Variants in TTC33 observed in about 807,000 individuals in gnomAD.
The protein encoded by TTC33 is tetratricopeptide repeat protein 33.
A neutral mutation model predicts 29.4 loss-of-function variants in TTC33; 24 were observed. The observed-to-expected ratio is 0.82, with a 90% CI of 0.59 to 1.15. The LOEUF is 1.15. Among genes scored for constraint, TTC33 ranks in the 50% most tolerant of loss-of-function variants. The pLI is 0.00. For synonymous variants in TTC33, 107 were observed against 100.3 expected, an observed-to-expected ratio of 1.07 and a Z score of -0.40; for missense variants, 286 against 310.4, an observed-to-expected ratio of 0.92 and a Z score of 0.59.
intron 1 of TTC33, among the ~76,000 whole-genome samples, chr5:40,749,531 G>A (rs1277953530): frequency 2.6e-5 from 4 of 152,202 alleles, no homozygotes; most frequent in African/African-American, 4.8e-5. Flanking sequence ...AATGGGCACT[G>A]TGGGAGTATG....
At chr5:40,723,742 G>A (rs983885386) in intron 4 of TTC33, among the ~76,000 whole-genome samples, 1 of 152,106 alleles carries the variant, frequency 6.6e-6, no homozygotes, top group Non-Finnish European at 1.5e-5. Context: ...ATGGGCACCT[G>A]TAATCCCAGC....
At chr5:40,725,848 C>T (rs543914898) in intron 4 of TTC33, among the ~76,000 whole-genome samples, 6 of 147,358 alleles carry the variant, frequency 4.1e-5, no homozygotes, top group African/African-American at 7.6e-5. Context: ...TGCAGTGGCG[C>T]GATCTCAGCT....
intron 4 of TTC33, among the ~76,000 whole-genome samples, chr5:40,718,004 G>T (rs1448204089): frequency 6.6e-6 from 1 of 151,992 alleles, no homozygotes; most frequent in Non-Finnish European, 1.5e-5. Flanking sequence ...GGAGGTTGCA[G>T]TGAGCCAAGA....
intron 1 of TTC33, among the ~76,000 whole-genome samples, chr5:40,755,132 T>C (rs1404747025): frequency 6.6e-6 from 1 of 152,178 alleles, no homozygotes; most frequent in Non-Finnish European, 1.5e-5. Context: ...GTATTCTAAA[T>C]TCCTGTACTG....
chr5:40,740,281 T>C (rs1742665542), intron 2 of TTC33, among the ~76,000 whole-genome samples: 1 of 151,664 alleles, frequency 6.6e-6, no homozygotes, highest in African/African-American at 2.4e-5. Context: ...CTATCTAGTA[T>C]GATTTTCCTT....
intron 4 of TTC33, among the ~76,000 whole-genome samples, chr5:40,723,654 C>T (rs1342284989): frequency 6.6e-6 from 1 of 152,060 alleles, no homozygotes; most frequent in Non-Finnish European, 1.5e-5. Context: ...CACCTGAGAC[C>T]AGGAGTTCAA....
chr5:40,721,775 C>T (rs1337745177), intron 4 of TTC33, among the ~76,000 whole-genome samples: 1 of 151,910 alleles, frequency 6.6e-6, no homozygotes. Flanking sequence ...AAAACATAGG[C>T]AACAAAATCA....
At chr5:40,731,891 A>G (rs767114511) in intron 2 of TTC33, among the ~76,000 whole-genome samples, 18 of 152,234 alleles carry the variant, frequency 1.2e-4, no homozygotes, top group Non-Finnish European at 2.5e-4. Context: ...CCACATAGCA[A>G]CACTTATATT....
At chr5:40,745,591 C>T (rs1742775264) in intron 2 of TTC33, among the ~76,000 whole-genome samples, 1 of 151,822 alleles carries the variant, frequency 6.6e-6, no homozygotes, top group African/African-American at 2.4e-5. Context: ...ATAGCAGAGT[C>T]ACACCTCATC....
In TTC33 at chr5:40,716,065, T is replaced by A; in HGVS notation, c.*80A>T. 1 of 1,192,492 alleles carries A rather than the reference T, an allele frequency of 8.4e-7. No homozygotes were observed. Among genetic ancestry groups the A allele is most frequent in the Non-Finnish European group, 1.2e-6 (1 of 862,252 alleles). 73.9% of individuals were successfully genotyped at this position (1,192,492 alleles called of 1,614,324 possible). On this transcript the variant is annotated 3_prime_UTR_variant, in exon 5 of 5. Coordinates refer to ENST00000337702, the MANE Select transcript of TTC33 (RefSeq NM_012382.3). Reference sequence around the variant, plus strand: ...TTACAACCAGGCGTTCTCCTATCTATCTCCAGAGTAAATGTCTCTATGTCA... The same window carrying A: ...TTACAACCAGGCGTTCTCCTATCTAACTCCAGAGTAAATGTCTCTATGTCA...
At chr5:40,723,366 C>T (rs1382110192) in intron 4 of TTC33, among the ~76,000 whole-genome samples, 3 of 151,758 alleles carry the variant, frequency 2.0e-5, no homozygotes, top group African/African-American at 7.3e-5. Context: ...GCTGACCTTC[C>T]CTCCACTATT....
In TTC33 at chr5:40,716,130, CCTATG is replaced by C; in HGVS notation, c.*10_*14del. The C allele has an allele frequency of 6.4e-7, 1 of 1,567,506 alleles. No homozygotes were observed. The highest frequency in any genetic ancestry group is 8.7e-7 in the Non-Finnish European group (1 of 1,154,824). On this transcript the variant is annotated 3_prime_UTR_variant, in exon 5 of 5. Transcript: ENST00000337702. ...AATCAAAAAGACAGATTCAAATAATCCTATGCATACTGCTTCATCGGGCTTTGATA... is the reference window on the plus strand; with the variant it reads ...AATCAAAAAGACAGATTCAAATAATCCATACTGCTTCATCGGGCTTTGATA...
chr5:40,717,742 T>C (rs1742032675), intron 4 of TTC33, among the ~76,000 whole-genome samples: 1 of 152,204 alleles, frequency 6.6e-6, no homozygotes. Context: ...GGATAGAAGA[T>C]TCTCATGCAA....
chr5:40,730,100 G>A (rs1411276077), intron 3 of TTC33, among the ~76,000 whole-genome samples, 162 bp downstream of exon 3: 2 of 152,168 alleles, frequency 1.3e-5, no homozygotes, highest in African/African-American at 4.8e-5. Context: ...CCAGTTTTAT[G>A]CATAAGACAG....
chr5:40,732,853 C>G (rs1742463428), intron 2 of TTC33, among the ~76,000 whole-genome samples: 2 of 152,088 alleles, frequency 1.3e-5, no homozygotes, highest in Admixed American at 1.3e-4. Flanking sequence ...ACTGATCTGC[C>G]CGCCTCGGCC....
chr5:40,752,564 G>C (rs1282826282), intron 1 of TTC33, among the ~76,000 whole-genome samples: 1 of 152,194 alleles, frequency 6.6e-6, no homozygotes. Flanking sequence ...AGGAGAAGAA[G>C]AGAGATGGGA....
chr5:40,741,737 C>G (rs780900402), intron 2 of TTC33, among the ~76,000 whole-genome samples: 26 of 152,194 alleles, frequency 1.7e-4, no homozygotes, highest in Non-Finnish European at 3.1e-4. Flanking sequence ...ACCTGTAATT[C>G]CAGCACTCTG....
chr5:40,730,706 T>A (rs1005275585), intron 2 of TTC33, among the ~76,000 whole-genome samples: 1 of 152,154 alleles, frequency 6.6e-6, no homozygotes. Flanking sequence ...TTCTAGTCCA[T>A]GAAATATATG....
At chr5:40,750,994 A>G (rs928256702) in intron 1 of TTC33, among the ~76,000 whole-genome samples, 2 of 152,234 alleles carry the variant, frequency 1.3e-5, no homozygotes, top group Non-Finnish European at 1.5e-5. Context: ...AAAGTTATCC[A>G]TGAAGGTTGT....
Sources: allele counts gnomAD v4.1 joint callset (sites outside exome capture counted in the v4.1 genomes callset), GRCh38; gene constraint gnomAD v4.1.1; transcripts MANE v1.5; gene names NCBI Gene and HGNC (gene_info 2026-07-23, HGNC 2026-07-21).